Variants in AFF1 observed in about 807,000 individuals in gnomAD.
AFF1 encodes AF4/FMR2 family member 1.
In AFF1, 48 loss-of-function variants were observed where a neutral mutation model predicts 121.7. The ratio of observed to expected loss-of-function variants is 0.39; its 90% CI spans 0.31 to 0.50. The LOEUF (loss-of-function observed/expected upper bound fraction) is 0.50, where lower values mean the gene tolerates loss of function less well. AFF1 is among the 20% of genes least tolerant of loss of function. The pLI is 0.76. For missense variants in AFF1, 1,523 were observed against 1,511.7 expected (o/e 1.01, Z -0.12); for synonymous variants, 613 against 563.0 (o/e 1.09, Z -1.26).
At chr4:86,967,336 A>G (rs1473775781) in intron 2 of AFF1, among the ~76,000 whole-genome samples, 8 of 152,176 alleles carry the variant, frequency 5.3e-5, no homozygotes, top group Admixed American at 2.6e-4. Flanking sequence ...ACAAAACAGA[A>G]GTAAACCGTA....
At chr4:87,050,825 A>G (rs1731189501) in intron 4 of AFF1, among the ~76,000 whole-genome samples, 1 of 152,238 alleles carries the variant, frequency 6.6e-6, no homozygotes, top group South Asian at 2.1e-4. Flanking sequence ...TTGCCACATC[A>G]GAGGTGGACC....
At chr4:87,111,135 G>A (rs1456600685) in intron 11 of AFF1, among the ~76,000 whole-genome samples, 1 of 83,848 alleles carries the variant, frequency 1.2e-5, no homozygotes, top group Non-Finnish European at 2.6e-5. Context: ...AGCCTCCCGA[G>A]TAGCTGGGAC....
intron 12 of AFF1, 31 bp downstream of exon 12, chr4:87,115,330 C>T (rs372801163): frequency 7.2e-5 from 110 of 1,518,178 alleles, no homozygotes; most frequent in Middle Eastern, 1.7e-4. Flanking sequence ...CTGACTCCAG[C>T]GTGGACCATC....
chr4:87,007,534 C>T, intron 2 of AFF1: 2 of 1,417,218 alleles, frequency 1.4e-6, no homozygotes, highest in Non-Finnish European at 2.0e-6. Context: ...GCAGCTTTGT[C>T]ATTGCCTTCT....
At chr4:87,052,432 C>T (rs981906425) in intron 4 of AFF1, among the ~76,000 whole-genome samples, 2 of 151,962 alleles carry the variant, frequency 1.3e-5, no homozygotes, top group African/African-American at 4.8e-5. Context: ...CCTCCCCCCA[C>T]ACCACCACCC....
At chr4:87,077,591 C>T (rs1202956504) in intron 4 of AFF1, among the ~76,000 whole-genome samples, 2 of 152,012 alleles carry the variant, frequency 1.3e-5, no homozygotes, top group Non-Finnish European at 2.9e-5. Context: ...CCTCCATTCC[C>T]CAGCCTTCCT....
At chr4:87,079,236 T>C (rs1722943221) in intron 4 of AFF1, among the ~76,000 whole-genome samples, 1 of 152,212 alleles carries the variant, frequency 6.6e-6, no homozygotes, top group African/African-American at 2.4e-5. Flanking sequence ...TAAAACACAA[T>C]ATTGCAAGAG....
intron 16 of AFF1, 42 bp from the exon 17 acceptor site, chr4:87,131,041 G>A: frequency 6.2e-7 from 1 of 1,604,826 alleles, no homozygotes; most frequent in Non-Finnish European, 8.5e-7. Flanking sequence ...CTAAATCAAG[G>A]TTTGTCTTCA....
At position 87,080,301 on chromosome 4, in the gene AFF1, G is replaced by T. The variant is rs560541980; in HGVS notation, c.1060-3819G>T. Among the ~76,000 whole-genome samples, 8 of 152,328 alleles carry T rather than the reference G, an allele frequency of 5.3e-5. No individual in the cohort carries two copies. In the East Asian group the frequency reaches 1.3e-3, roughly 26 times the overall value. On this transcript the variant is annotated intron_variant, in intron 4 of 20. Coordinates refer to ENST00000395146, the MANE Select transcript of AFF1 (RefSeq NM_001166693.3). ...TAGCCAGAGAAGGACTTACAAACTAGATTTTCTTGATTCATGCAACTATCA... is the reference window on the plus strand; with the variant it reads ...TAGCCAGAGAAGGACTTACAAACTATATTTTCTTGATTCATGCAACTATCA...
chr4:86,951,875 AAGTG>A (rs1184668430), intron 2 of AFF1, among the ~76,000 whole-genome samples: 1 of 151,124 alleles, frequency 6.6e-6, no homozygotes, highest in Non-Finnish European at 1.5e-5. Flanking sequence ...TGGCCTCCCA[AAGTG>A]CTGGGATTAC....
At chr4:87,105,967 G>A in intron 10 of AFF1, 122 bp downstream of exon 10, 1 of 1,255,880 alleles carries the variant, frequency 8.0e-7, no homozygotes, top group Middle Eastern at 2.1e-4. Context: ...AAGGATCACA[G>A]TAAAAGGAAA....
chr4:87,098,756 A>G (rs187093007), intron 8 of AFF1, among the ~76,000 whole-genome samples: 3 of 152,322 alleles, frequency 2.0e-5, no homozygotes, highest in Admixed American at 2.0e-4. Flanking sequence ...TAGCAATTTG[A>G]AATATTTATT....
chr4:87,041,592 T>C (rs1730159216), intron 2 of AFF1, among the ~76,000 whole-genome samples: 1 of 152,154 alleles, frequency 6.6e-6, no homozygotes, highest in Non-Finnish European at 1.5e-5. Flanking sequence ...TGTAACTCAC[T>C]ATATTCTATT....
intron 12 of AFF1, among the ~76,000 whole-genome samples, chr4:87,123,523 A>G (rs1483058766): frequency 2.0e-5 from 3 of 152,178 alleles, no homozygotes; most frequent in Non-Finnish European, 4.4e-5. Flanking sequence ...CGCAAGATTA[A>G]AAACAGGTAT....
intron 2 of AFF1, among the ~76,000 whole-genome samples, chr4:86,977,552 C>A (rs900131506): frequency 2.6e-5 from 4 of 152,256 alleles, no homozygotes; most frequent in Admixed American, 2.6e-4. Flanking sequence ...GATTCTCCAA[C>A]CTCACCTTTT....
intron 2 of AFF1, among the ~76,000 whole-genome samples, chr4:86,968,378 G>A (rs1483368397): frequency 6.6e-6 from 1 of 152,162 alleles, no homozygotes; most frequent in Admixed American, 6.5e-5. Flanking sequence ...AAATGGTTAT[G>A]TCTTCTTAGT....
intron 2 of AFF1, among the ~76,000 whole-genome samples, chr4:86,982,848 CAAAAAAAAAAAA>C (rs59568294): frequency 2.2e-4 from 12 of 53,804 alleles, no homozygotes; most frequent in African/African-American, 3.4e-4. Flanking sequence ...ACTCTGTCTC[CAAAAAAAAAAAA>C]AAAAAAAAAA....
At chr4:86,961,273 G>T (rs1484497842) in intron 2 of AFF1, among the ~76,000 whole-genome samples, 1 of 152,112 alleles carries the variant, frequency 6.6e-6, no homozygotes, top group African/African-American at 2.4e-5. Flanking sequence ...ATGTTTTACA[G>T]ATGAAAAAGG....
chr4:87,094,837 C>T (rs1364096226), intron 7 of AFF1, 78 bp from the exon 8 acceptor site: 16 of 1,415,286 alleles, frequency 1.1e-5, no homozygotes, highest in Non-Finnish European at 1.6e-5. Flanking sequence ...AAACTGGGGA[C>T]CGACATAAAA....
Sources: gnomAD v4.1 joint callset for allele counts (sites outside exome capture counted in the v4.1 genomes callset) on GRCh38, gnomAD v4.1.1 for gene constraint, MANE v1.5 for transcripts, NCBI Gene and HGNC (gene_info 2026-07-23, HGNC 2026-07-21) for gene names.